Variants in KAZN observed in about 807,000 individuals in gnomAD.
KAZN encodes kazrin.
KAZN carries 40 observed loss-of-function variants against 87.4 expected under a neutral mutation model. That is an observed-to-expected ratio of 0.46 (90% CI 0.36 to 0.60). The LOEUF (loss-of-function observed/expected upper bound fraction) is 0.60. Among genes scored for constraint, KAZN ranks in the 20% least tolerant of loss-of-function variants. The pLI, the probability that KAZN is intolerant of heterozygous loss-of-function variation, is 0.00. For synonymous variants in KAZN, 466 were observed against 458.3 expected, an observed-to-expected ratio of 1.02 and a Z score of -0.22; for missense variants, 898 against 1,073.9, an observed-to-expected ratio of 0.84 and a Z score of 2.29.
chr1:14,971,358 G>A (rs1422363991), intron 2 of KAZN, among the ~76,000 whole-genome samples: 2 of 152,166 alleles, frequency 1.3e-5, no homozygotes, highest in African/African-American at 2.4e-5. Flanking sequence ...AGATTGCGCC[G>A]CGGCACGCCA....
At chr1:14,149,980 G>A (rs1645438477) in intron 1 of KAZN, among the ~76,000 whole-genome samples, 1 of 152,148 alleles carries the variant, frequency 6.6e-6, no homozygotes, top group Non-Finnish European at 1.5e-5. Context: ...AGAAAATGGT[G>A]ATACCGACAG....
At chr1:14,862,035 G>T (rs1033210480) in intron 1 of KAZN, among the ~76,000 whole-genome samples, 12 of 152,196 alleles carry the variant, frequency 7.9e-5, no homozygotes, top group African/African-American at 2.9e-4. Context: ...ACCAATTTGG[G>T]TTGTGTTGTC....
chr1:14,155,448 G>C (rs1397855891), intron 1 of KAZN, among the ~76,000 whole-genome samples: 5 of 151,482 alleles, frequency 3.3e-5, no homozygotes, highest in African/African-American at 1.2e-4. Context: ...CTAATGATTT[G>C]TCAATTTTGC....
chr1:14,818,504 C>T (rs1646639513), intron 1 of KAZN, among the ~76,000 whole-genome samples: 1 of 152,230 alleles, frequency 6.6e-6, no homozygotes, highest in Non-Finnish European at 1.5e-5. Context: ...ATTTGGAGAG[C>T]ATGCCTGCAT....
At chr1:14,620,623 T>C (rs1161902863) in intron 1 of KAZN, among the ~76,000 whole-genome samples, 2 of 152,106 alleles carry the variant, frequency 1.3e-5, no homozygotes, top group Non-Finnish European at 2.9e-5. Context: ...TTTCTGAAAA[T>C]ACCAAGAAGT....
intron 1 of KAZN, among the ~76,000 whole-genome samples, chr1:14,653,683 G>T (rs1005125215): frequency 6.6e-6 from 1 of 152,218 alleles, no homozygotes; most frequent in Non-Finnish European, 1.5e-5. Flanking sequence ...AGGATAAAAT[G>T]AGTCAAGGCT....
At chr1:14,046,560 T>C (rs1642082022) in intron 1 of KAZN, among the ~76,000 whole-genome samples, 1 of 152,204 alleles carries the variant, frequency 6.6e-6, no homozygotes, top group Non-Finnish European at 1.5e-5. Context: ...TCCTCCCGCA[T>C]AGAACTTGCT....
At chr1:14,069,844 C>T (rs1482445326) in intron 1 of KAZN, among the ~76,000 whole-genome samples, 4 of 152,170 alleles carry the variant, frequency 2.6e-5, no homozygotes, top group Non-Finnish European at 5.9e-5. Context: ...TTGCGTATTG[C>T]TCTCTCCTGT....
chr1:14,216,146 G>A (rs1180355739), intron 2 of KAZN, among the ~76,000 whole-genome samples: 1 of 152,050 alleles, frequency 6.6e-6, no homozygotes. Flanking sequence ...ATCATTAATA[G>A]CAACAAGGGC....
chr1:14,866,334 G>T (rs1424145117), intron 1 of KAZN, among the ~76,000 whole-genome samples: 2 of 152,184 alleles, frequency 1.3e-5, no homozygotes, highest in African/African-American at 4.8e-5. Flanking sequence ...CCTGAGTTTT[G>T]GCGAGAGCCC....
At chr1:13,944,360 A>G (rs989496604) in intron 1 of KAZN, among the ~76,000 whole-genome samples, 1 of 152,232 alleles carries the variant, frequency 6.6e-6, no homozygotes, top group African/African-American at 2.4e-5. Flanking sequence ...GTGGTTGCCT[A>G]GGTCTAGAAA....
At chr1:14,340,887 C>CCTTTT (rs1418658318) in intron 2 of KAZN, among the ~76,000 whole-genome samples, 2 of 45,116 alleles carry the variant, frequency 4.4e-5, no homozygotes, top group African/African-American at 2.4e-4. Context: ...CATGATTTTC[C>CCTTTT]CTTTTTTTTT....
At chr1:15,088,846 G>A (rs1012312571) in intron 8 of KAZN, among the ~76,000 whole-genome samples, 5 of 151,886 alleles carry the variant, frequency 3.3e-5, no homozygotes, top group Admixed American at 1.3e-4. Flanking sequence ...TGTGGTTTGC[G>A]CACATGAACC....
intron 2 of KAZN, among the ~76,000 whole-genome samples, chr1:14,434,309 C>T (rs1185882096): frequency 2.6e-5 from 4 of 152,136 alleles, no homozygotes; most frequent in East Asian, 3.9e-4. Context: ...CCTCCCTTAC[C>T]GGTTCAGAAT....
rs192038171 is a variant in KAZN at position 14,558,398 on chromosome 1, C to T, written c.250-40585C>T. Reference sequence around the variant, plus strand: ...CAAGTAAACATCTTTTTTCTTTTTACTGCTTGTCACTCATTTACCTCCAAG... The same window carrying T: ...CAAGTAAACATCTTTTTTCTTTTTATTGCTTGTCACTCATTTACCTCCAAG... On this transcript the variant is annotated intron_variant, in intron 2 of 16. Transcript: ENST00000636203. Among the ~76,000 whole-genome samples the T allele has an allele frequency of 3.9e-5, 6 of 152,266 alleles. No homozygotes were observed. The East Asian group carries it at 5.8e-4, about 15-fold the overall frequency.
At chr1:14,780,450 T>C (rs1462637355) in intron 1 of KAZN, among the ~76,000 whole-genome samples, 4 of 152,184 alleles carry the variant, frequency 2.6e-5, no homozygotes, top group Non-Finnish European at 4.4e-5. Flanking sequence ...GTTGAGTGAA[T>C]GGATGAGCCA....
chr1:14,064,473 C>T (rs1642925063), intron 1 of KAZN, among the ~76,000 whole-genome samples: 1 of 152,212 alleles, frequency 6.6e-6, no homozygotes, highest in Non-Finnish European at 1.5e-5. Context: ...AGATGGACCC[C>T]TGCTTGGAGC....
intron 2 of KAZN, among the ~76,000 whole-genome samples, chr1:14,180,895 G>C (rs1364242003): frequency 6.6e-6 from 1 of 152,140 alleles, no homozygotes; most frequent in Non-Finnish European, 1.5e-5. Flanking sequence ...AAACTTGGCA[G>C]GCATCATAGC....
At chr1:14,551,392 C>T (rs1197275236) in intron 2 of KAZN, among the ~76,000 whole-genome samples, 3 of 152,150 alleles carry the variant, frequency 2.0e-5, no homozygotes, top group African/African-American at 7.2e-5. Flanking sequence ...CAAATTAAAC[C>T]CCTGTAGAGA....
Sources: gnomAD v4.1 joint callset for allele counts (sites outside exome capture counted in the v4.1 genomes callset) on GRCh38, gnomAD v4.1.1 for gene constraint, MANE v1.5 for transcripts, NCBI Gene and HGNC (gene_info 2026-07-23, HGNC 2026-07-21) for gene names.